Variants in C11orf65 observed in about 807,000 individuals in gnomAD.
C11orf65 encodes chromosome 11 open reading frame 65.
A neutral mutation model predicts 35.3 loss-of-function variants in C11orf65; 38 were observed. The observed-to-expected ratio is 1.08, with a 90% CI of 0.83 to 1.41. The LOEUF (loss-of-function observed/expected upper bound fraction) is 1.41, where lower values mean the gene tolerates loss of function less well. Ranked by LOEUF, C11orf65 falls within the 40% of genes most tolerant of loss-of-function variation. C11orf65 has a pLI of 0.00. For missense variants in C11orf65, 370 were observed against 367.1 expected, an observed-to-expected ratio of 1.01 and a Z score of -0.06; for synonymous variants, 105 against 114.4, an observed-to-expected ratio of 0.92 and a Z score of 0.53.
intron 2 of C11orf65, chr11:108,355,012 T>C (rs1420044366): frequency 8.0e-6 from 6 of 752,700 alleles, no homozygotes; most frequent in Non-Finnish European, 6.9e-6. Context: ...AAGGAGGAGA[T>C]TGTGCACTTA....
intron 2 of C11orf65, among the ~76,000 whole-genome samples, chr11:108,449,230 A>G (rs1471544251): frequency 6.6e-6 from 1 of 152,106 alleles, no homozygotes; most frequent in Non-Finnish European, 1.5e-5. Flanking sequence ...TATAGATTCA[A>G]TGCCATCCCC....
At chr11:108,408,702 A>ATAAAAAAT (rs1555166493) in intron 3 of C11orf65, among the ~76,000 whole-genome samples, 1,048 of 124,596 alleles carry the variant, frequency 8.4e-3, no homozygotes, top group East Asian at 0.016. Flanking sequence ...ATAAAATAAA[A>ATAAAAAAT]TAAAATAAAA....
intron 3 of C11orf65, among the ~76,000 whole-genome samples, chr11:108,409,132 G>C (rs2092611221): frequency 6.6e-6 from 1 of 152,110 alleles, no homozygotes; most frequent in South Asian, 2.1e-4. Context: ...ACATGAATCT[G>C]TGATAAATCT....
At chr11:108,323,949 G>C (rs559325990) in intron 6 of C11orf65, among the ~76,000 whole-genome samples, 28 of 152,242 alleles carry the variant, frequency 1.8e-4, no homozygotes, top group Admixed American at 1.3e-3. Context: ...ATGCAAAACA[G>C]TGCCATGCTC....
At chr11:108,371,356 A>T (rs559335133) in intron 2 of C11orf65, among the ~76,000 whole-genome samples, 1 of 152,258 alleles carries the variant, frequency 6.6e-6, no homozygotes, top group Admixed American at 6.5e-5. Context: ...ACAAAACTAA[A>T]ATTCTATACC....
chr11:108,357,739 C>A (rs1322658759), intron 2 of C11orf65, among the ~76,000 whole-genome samples: 21 of 152,172 alleles, frequency 1.4e-4, no homozygotes, highest in Admixed American at 1.4e-3. Context: ...AGGGTCTTGT[C>A]TGTTAGAAGG....
chr11:108,331,583 C>T, intron 3 of C11orf65: 1 of 1,577,114 alleles, frequency 6.3e-7, no homozygotes, highest in Non-Finnish European at 8.6e-7. Context: ...AATCAAACCA[C>T]AATAATTATT....
intron 7 of C11orf65, among the ~76,000 whole-genome samples, chr11:108,389,550 G>A (rs115635818): frequency 0.013 from 1,986 of 152,204 alleles, 50 homozygotes; most frequent in African/African-American, 0.044. Flanking sequence ...TTGGAAGCAA[G>A]GTATTTGCAT....
intron 3 of C11orf65, among the ~76,000 whole-genome samples, chr11:108,426,329 T>C (rs1265142767): frequency 6.6e-6 from 1 of 152,070 alleles, no homozygotes; most frequent in Non-Finnish European, 1.5e-5. Flanking sequence ...TCTGCAAAAA[T>C]CACAAGCATT....
At chr11:108,469,705 C>T (rs2093564641), upstream of C11orf65, among the ~76,000 whole-genome samples, 2 of 152,022 alleles carry the variant, frequency 1.3e-5, no homozygotes, top group South Asian at 4.2e-4. Context: ...TGCTCTAATA[C>T]ATGTAAAAAT....
chr11:108,415,424 A>G lies in C11orf65; in HGVS notation c.175-8275T>C, dbSNP rs79192424. Among the ~76,000 whole-genome samples, 895 of 152,306 alleles carry G rather than the reference A, an allele frequency of 5.9e-3. 9 individuals are homozygous for G. Among genetic ancestry groups the G allele is most frequent in the African/African-American group, 0.017 (725 of 41,572 alleles). ...AAATATATAAAAATCGATATGAGGGAAACTACAAGACCGTGATGAAGGAAA... is the reference window on the plus strand; with the variant it reads ...AAATATATAAAAATCGATATGAGGGGAACTACAAGACCGTGATGAAGGAAA... On this transcript the variant is annotated intron_variant, in intron 3 of 8. Coordinates refer to ENST00000393084, the MANE Select transcript of C11orf65 (RefSeq NM_152587.5).
At chr11:108,399,087 T>C (rs1014265372) in intron 6 of C11orf65, among the ~76,000 whole-genome samples, 1 of 152,098 alleles carries the variant, frequency 6.6e-6, no homozygotes. Context: ...ATATAGGGCC[T>C]CCATCCCTGT....
At chr11:108,469,672 A>G (rs543203090), upstream of C11orf65, among the ~76,000 whole-genome samples, 12 of 152,212 alleles carry the variant, frequency 7.9e-5, no homozygotes, top group Admixed American at 4.6e-4. Flanking sequence ...ATTTCTACAT[A>G]ACAGGCTAGA....
In C11orf65 at chr11:108,382,988, A is replaced by G. The variant is rs1189798530; in HGVS notation, c.*33T>C. On this transcript the variant is annotated 3_prime_UTR_variant, in exon 9 of 9. Coordinates refer to ENST00000393084, the MANE Select transcript of C11orf65 (RefSeq NM_152587.5). ...CTATAACTGATGGATGGAAGGCTCAAAGGGCTATAACTCAGAATAGAAATA... is the reference window on the plus strand; with the variant it reads ...CTATAACTGATGGATGGAAGGCTCAGAGGGCTATAACTCAGAATAGAAATA... 6.2e-7 allele frequency: 1 copy of G among 1,608,254 alleles called. No individual in the cohort carries two copies. The highest frequency in any genetic ancestry group is 8.5e-7 in the Non-Finnish European group (1 of 1,178,112).
intron 2 of C11orf65, among the ~76,000 whole-genome samples, chr11:108,357,529 A>T (rs930897139): frequency 3.3e-5 from 5 of 152,228 alleles, no homozygotes; most frequent in South Asian, 2.1e-4. Context: ...TAACCTCTGC[A>T]GACTTAAATG....
chr11:108,407,144 C>T lies in C11orf65; in HGVS notation c.180G>A (p.Glu60=). Residue 60 remains glutamate, a synonymous_variant, in exon 4 of 9, where the codon GAG becomes GAA. Coordinates refer to ENST00000393084, the MANE Select transcript of C11orf65 (RefSeq NM_152587.5). ...IVKYINPKEA[E]LLDAAAGIHV... Reference sequence around the variant, plus strand: ...GAATGCCAGCAGCAGCATCTAGAAGCTCTGCCTATAAGAAAATATATTATT... The same window carrying T: ...GAATGCCAGCAGCAGCATCTAGAAGTTCTGCCTATAAGAAAATATATTATT... 6.2e-7 allele frequency: 1 copy of T among 1,602,816 alleles called. No individual in the cohort carries two copies. Among genetic ancestry groups the T allele is most frequent in the Non-Finnish European group, 8.5e-7 (1 of 1,172,124 alleles).
chr11:108,337,961 T>TTGAAAGCAGAAATTAC (rs1333396704), intron 2 of C11orf65, among the ~76,000 whole-genome samples: 1 of 152,244 alleles, frequency 6.6e-6, no homozygotes, highest in Non-Finnish European at 1.5e-5. Flanking sequence ...CTAGAATATC[T>TTGAAAGCAGAAATTAC]TGAAAGCAGA....
chr11:108,328,375 T>C (rs139496005), downstream of C11orf65, among the ~76,000 whole-genome samples: 1,228 of 152,308 alleles, frequency 8.1e-3, 9 homozygotes, highest in African/African-American at 0.025. Context: ...GCTTCCCAAG[T>C]AGCTGGGACT....
At chr11:108,459,256 T>A (rs992504190) in intron 2 of C11orf65, among the ~76,000 whole-genome samples, 14 of 152,186 alleles carry the variant, frequency 9.2e-5, no homozygotes, top group South Asian at 2.1e-4. Flanking sequence ...CATTTTTTTT[T>A]AAAAAAGAGA....
Sources: allele counts gnomAD v4.1 joint callset (sites outside exome capture counted in the v4.1 genomes callset), GRCh38; gene constraint gnomAD v4.1.1; transcripts MANE v1.5; gene names NCBI Gene and HGNC (gene_info 2026-07-23, HGNC 2026-07-21).